The following ANLN variants were observed in gnomAD, a reference collection of about 807,000 sequenced individuals.
ANLN encodes anillin.
Under a neutral mutation model 135.1 loss-of-function variants are expected in ANLN, and 59 were observed. That is an observed-to-expected ratio of 0.44 (90% confidence interval 0.35 to 0.54). The LOEUF (loss-of-function observed/expected upper bound fraction) is 0.54, where lower values mean the gene tolerates loss of function less well. Ranked by LOEUF, ANLN falls within the 20% of genes least tolerant of loss-of-function variation. The probability of loss-of-function intolerance (pLI) is 0.00; values close to 1 mark genes in which losing one functional copy is unlikely to be tolerated. For synonymous variants in ANLN, 406 were observed against 456.4 expected, an observed-to-expected ratio of 0.89 and a Z score of 1.41; for missense variants, 1,182 against 1,340.0, an observed-to-expected ratio of 0.88 and a Z score of 1.84.
Position 36,453,413 on chromosome 7 carries a change from G to A in ANLN, c.*813G>A, listed in dbSNP as rs2116852869. The stretch of plus-strand genomic sequence containing the variant: ...TAAAAAAGTAAACTGTTATGAAGCT[G>A]CTATGTACTAATAATACTTTGCTTG... On this transcript the variant is annotated 3_prime_UTR_variant, in exon 24 of 24. Coordinates refer to ENST00000265748, the MANE Select transcript of ANLN (RefSeq NM_018685.5). The A allele has an allele frequency of 6.6e-6, 1 of 152,282 alleles. No individual in the cohort carries two copies. Among genetic ancestry groups the A allele is most frequent in the Non-Finnish European group, 1.5e-5 (1 of 68,032 alleles). The allele number at this position is 152,282 out of a possible 1,614,324, so 9.4% of individuals were successfully genotyped here.
rs142683241 is a variant in ANLN, at chr7:36,417,955, G to A, written c.1633+765G>A. Among the ~76,000 whole-genome samples, 176 of 152,148 alleles carry A rather than the reference G, an allele frequency of 1.2e-3. 1 individual carries two copies. Among genetic ancestry groups the A allele is most frequent in the African/African-American group, 3.7e-3 (153 of 41,504 alleles). On this transcript the variant is annotated intron_variant, in intron 9 of 23. Transcript: ENST00000265748. ...CTCCCAAAGTGCTGGGATTACAGGC[G>A]TGAGCCACCATACCTGGCCCAGGGC...
In ANLN at chr7:36,389,899, G is replaced by T; in HGVS notation, c.-128G>T. On this transcript the variant is annotated 5_prime_UTR_variant, in exon 1 of 24. Coordinates refer to ENST00000265748, the MANE Select transcript of ANLN (RefSeq NM_018685.5). Reference sequence around the variant, plus strand: ...GGAAGCCGAGAGGAGAGGACAGCTGGTTGTGGGAGAGTTCCCCCGCCTCAG... The same window carrying T: ...GGAAGCCGAGAGGAGAGGACAGCTGTTTGTGGGAGAGTTCCCCCGCCTCAG... 6.4e-7 allele frequency: 1 copy of T among 1,551,386 alleles called. No homozygotes were observed. The highest frequency in any genetic ancestry group is 8.9e-7 in the Non-Finnish European group (1 of 1,128,866).
At chr7:36,403,060 T>C (rs1237525118) in intron 3 of ANLN, among the ~76,000 whole-genome samples, 1 of 152,098 alleles carries the variant, frequency 6.6e-6, no homozygotes, top group African/African-American at 2.4e-5. Flanking sequence ...GAGGTTGCAG[T>C]GAGCCGAGAT....
chr7:36,436,894 T>TTGACAA (rs1257635363), intron 20 of ANLN, among the ~76,000 whole-genome samples: 4 of 152,236 alleles, frequency 2.6e-5, no homozygotes, highest in African/African-American at 9.6e-5. Context: ...TTATCAGATA[T>TTGACAA]ATAATTGACA....
chr7:36,396,799 G>C (rs539447316), intron 2 of ANLN, among the ~76,000 whole-genome samples: 7 of 152,066 alleles, frequency 4.6e-5, no homozygotes, highest in Non-Finnish European at 8.8e-5. Flanking sequence ...TGGTGTCTCC[G>C]GTACCAGCAA....
intron 13 of ANLN, 126 bp downstream of exon 13, chr7:36,422,118 T>G (rs1048394170): frequency 1.2e-5 from 14 of 1,154,002 alleles, no homozygotes; most frequent in Non-Finnish European, 1.7e-5. Context: ...TGGATCTATT[T>G]TTTGTTCTTG....
At chr7:36,436,710 A>C (rs962439334) in intron 20 of ANLN, among the ~76,000 whole-genome samples, 2 of 152,156 alleles carry the variant, frequency 1.3e-5, no homozygotes, top group African/African-American at 4.8e-5. Context: ...TTCCCTAATG[A>C]CTGTTGATGT....
chr7:36,395,355 C>T (rs558618241), intron 1 of ANLN, among the ~76,000 whole-genome samples: 1 of 152,316 alleles, frequency 6.6e-6, no homozygotes, highest in Non-Finnish European at 1.5e-5. Context: ...CCTGTTCCCC[C>T]ATCTTCAAAG....
chr7:36,394,483 T>C (rs1298515731), intron 1 of ANLN, among the ~76,000 whole-genome samples: 1 of 152,216 alleles, frequency 6.6e-6, no homozygotes, highest in Non-Finnish European at 1.5e-5. Context: ...AACAATATGC[T>C]TATTCTTGAA....
intron 20 of ANLN, chr7:36,428,181 C>T (rs1788164543): frequency 6.3e-6 from 2 of 318,816 alleles, no homozygotes; most frequent in South Asian, 5.7e-5. Context: ...ACTATTAATG[C>T]ATGAATGTGT....
intron 3 of ANLN, among the ~76,000 whole-genome samples, chr7:36,403,048 C>T (rs566572058): frequency 6.6e-6 from 1 of 152,016 alleles, no homozygotes; most frequent in Non-Finnish European, 1.5e-5. Context: ...ACCCGGGAGG[C>T]GGAGGTTGCA....
rs1356401539 is a variant in ANLN at position 36,396,437 on chromosome 7, G to GA, written c.172+23dup. On this transcript the variant is annotated intron_variant, in intron 2 of 23. Transcript: ENST00000265748. ...TGGTGAAGGTAAAAGACTTTGTGGG[G>GA]AAAAATAACATTTACTTTTTTTTTC... The GA allele has an allele frequency of 1.3e-6, 2 of 1,521,434 alleles. No homozygotes were observed. Among genetic ancestry groups the GA allele is most frequent in the East Asian group, 2.3e-5 (1 of 43,062 alleles). 94.2% of individuals were successfully genotyped at this position (1,521,434 alleles called of 1,614,324 possible). A position where few individuals can be genotyped will look rare whatever the true frequency, so the allele number is the denominator to read the frequency against.
chr7:36,435,402 T>A (rs1312656577), intron 20 of ANLN, among the ~76,000 whole-genome samples: 1 of 151,282 alleles, frequency 6.6e-6, no homozygotes, highest in East Asian at 1.9e-4. Flanking sequence ...GGGGTCTCAG[T>A]ATGTTGCCCA....
In ANLN at chr7:36,412,312, T is replaced by C. The variant is rs1262230687; in HGVS notation, c.1395+1146T>C. ...TATCAGTTGCTGCCAGAGAAATATA[T>C]ATATATATATATATATTTTTTTTTT... On this transcript the variant is annotated intron_variant, in intron 7 of 23. Transcript: ENST00000265748. 1.2e-4 allele frequency among the ~76,000 whole-genome samples: 13 copies of C among 110,726 alleles called. No individual in the cohort carries two copies. The Admixed American group carries it at 1.2e-3, about 11-fold the overall frequency. 72.6% of individuals were successfully genotyped at this position (110,726 alleles called of 152,430 possible).
chr7:36,411,494 C>T (rs778977757), intron 7 of ANLN, among the ~76,000 whole-genome samples: 1 of 152,192 alleles, frequency 6.6e-6, no homozygotes, highest in Non-Finnish European at 1.5e-5. Context: ...CTACTTTTCT[C>T]AATGATGACT....
In ANLN at chr7:36,402,109, G is replaced by A. The variant is rs1398609867; in HGVS notation, c.487+2716G>A. 5.5e-5 allele frequency among the ~76,000 whole-genome samples: 5 copies of A among 91,356 alleles called. 1 individual carries two copies. The highest frequency in any genetic ancestry group is 9.5e-5 in the Non-Finnish European group (4 of 42,202). 59.9% of individuals were successfully genotyped at this position (91,356 alleles called of 152,430 possible). ...GCTGTAACATTGCCTCTTCAATAAA[G>A]CTATTTTTTTTTTTTTTTTTGAGGT... On this transcript the variant is annotated intron_variant, in intron 3 of 23. Coordinates refer to ENST00000265748, the MANE Select transcript of ANLN (RefSeq NM_018685.5).
chr7:36,441,501 C>A (rs562339329), intron 21 of ANLN, among the ~76,000 whole-genome samples: 1 of 152,312 alleles, frequency 6.6e-6, no homozygotes, highest in East Asian at 1.9e-4. Flanking sequence ...CAGGGCTGCC[C>A]TGGAGGAGGG....
chr7:36,415,634 C>G (rs116189146), intron 7 of ANLN, 124 bp from the exon 8 acceptor site: 4 of 1,109,906 alleles, frequency 3.6e-6, no homozygotes, highest in African/African-American at 1.6e-5. Context: ...TACACTATCT[C>G]TTTGGTTCTA....
At chr7:36,428,167 G>A (rs947258645) in intron 20 of ANLN, 12 of 266,616 alleles carry the variant, frequency 4.5e-5, no homozygotes, top group African/African-American at 2.8e-4. Context: ...TTGAAGTTTT[G>A]ATTACTATTA....
Sources: allele counts gnomAD v4.1 joint callset (sites outside exome capture counted in the v4.1 genomes callset), GRCh38; gene constraint gnomAD v4.1.1; transcripts MANE v1.5; gene names NCBI Gene and HGNC (gene_info 2026-07-23, HGNC 2026-07-21).